The following RBFOX1 variants were observed in gnomAD, a reference collection of about 807,000 sequenced individuals.
RBFOX1 encodes RNA binding fox-1 homolog 1.
RBFOX1 carries 8 observed loss-of-function variants against 57.7 expected under a neutral mutation model. The observed-to-expected ratio is 0.14, with a 90% CI of 0.08 to 0.25. The LOEUF (loss-of-function observed/expected upper bound fraction) is 0.25, where lower values mean the gene tolerates loss of function less well. Among genes scored for constraint, RBFOX1 ranks in the 10% least tolerant of loss-of-function variants. RBFOX1 has a pLI of 1.00. For missense variants in RBFOX1, 611 were observed against 548.5 expected, an observed-to-expected ratio of 1.11 and a Z score of -1.14; for synonymous variants, 326 against 222.4, an observed-to-expected ratio of 1.47 and a Z score of -4.15.
At chr16:6,064,012 G>A (rs1258318363) in intron 1 of RBFOX1, among the ~76,000 whole-genome samples, 1 of 151,956 alleles carries the variant, frequency 6.6e-6, no homozygotes, top group Non-Finnish European at 1.5e-5. Flanking sequence ...ACCCTCTAAT[G>A]TATTATTTTA....
intron 4 of RBFOX1, among the ~76,000 whole-genome samples, chr16:7,330,113 C>A (rs185902097): frequency 4.6e-5 from 7 of 152,166 alleles, no homozygotes; most frequent in African/African-American, 1.4e-4. Context: ...CCTGAAATGC[C>A]ATTATATATA....
chr16:6,973,226 G>T (rs1247844996), intron 3 of RBFOX1, among the ~76,000 whole-genome samples: 3 of 152,040 alleles, frequency 2.0e-5, no homozygotes, highest in East Asian at 3.9e-4. Context: ...GATATCAGGG[G>T]TTCTTCCCCA....
chr16:5,289,720 G>C (rs539455650), intron 1 of RBFOX1, among the ~76,000 whole-genome samples: 50 of 152,222 alleles, frequency 3.3e-4, no homozygotes, highest in Non-Finnish European at 6.0e-4. Context: ...AACGTGAATT[G>C]CTCTGAAAGA....
chr16:6,893,314 C>T (rs117085414), intron 3 of RBFOX1, among the ~76,000 whole-genome samples: 1 of 152,114 alleles, frequency 6.6e-6, no homozygotes, highest in Non-Finnish European at 1.5e-5. Flanking sequence ...AAGAAAGCCC[C>T]TAGAGATCAA....
Position 5,970,918 on chromosome 16 carries a change from A to C in RBFOX1, c.351+103583A>C, listed in dbSNP as rs1234966491. ...TGACTGTTGTCAAGCATGTGTTCTC[A>C]GTGCACCCTAAAGCACATATCCCAA... is the stretch of plus-strand genomic sequence containing the variant. On this transcript the variant is annotated intron_variant, in intron 4 of 19. Transcript: ENST00000641259. Among the ~76,000 whole-genome samples, 6 of 152,190 alleles carry C rather than the reference A, an allele frequency of 3.9e-5. No homozygotes were observed. In the South Asian group the frequency reaches 1.2e-3, roughly 32 times the overall value.
chr16:7,455,081 A>C (rs575468207), intron 4 of RBFOX1, among the ~76,000 whole-genome samples: 1 of 152,216 alleles, frequency 6.6e-6, no homozygotes, highest in African/African-American at 2.4e-5. Context: ...AACGGATTCG[A>C]TAGCAAACCA....
chr16:7,138,592 G>T (rs903363733), intron 4 of RBFOX1, among the ~76,000 whole-genome samples: 4 of 152,070 alleles, frequency 2.6e-5, no homozygotes, highest in Middle Eastern at 3.2e-3. Flanking sequence ...TTCCTTCATG[G>T]CCAGGAAATG....
rs146479525 is a variant in RBFOX1, at chr16:7,269,000, G to A, written c.27+216902G>A. On this transcript the variant is annotated intron_variant, in intron 4 of 15. Coordinates refer to ENST00000550418, the MANE Select transcript of RBFOX1 (RefSeq NM_018723.4). ...TGCAGTGAGCCGAGATCACGCCAGT[G>A]CACTCCAGCTTGGGCGACAGAGTGA... Among the ~76,000 whole-genome samples, 129 of 127,768 alleles carry A rather than the reference G, an allele frequency of 1.0e-3. 2 individuals carry two copies. In the East Asian group the frequency reaches 0.027, roughly 27 times the overall value. 83.8% of individuals were successfully genotyped at this position (127,768 alleles called of 152,430 possible). A position where few individuals can be genotyped will look rare whatever the true frequency, so the allele number is the denominator to read the frequency against.
In RBFOX1 at chr16:6,491,315, C is replaced by G. The variant is rs554965586; in HGVS notation, c.-63-163288C>G. ...ATATCCAGAAGTATATGGAATACTT[C>G]CGCATCTTAAGGTGAGCCTCCTTTT... is the stretch of plus-strand genomic sequence containing the variant. On this transcript the variant is annotated intron_variant, in intron 2 of 15. Transcript: ENST00000550418. 4.6e-5 allele frequency among the ~76,000 whole-genome samples: 7 copies of G among 152,054 alleles called. No homozygotes were observed. In the South Asian group the frequency reaches 1.5e-3, roughly 32 times the overall value.
At chr16:5,454,817 TC>T (rs1197826305) in intron 1 of RBFOX1, among the ~76,000 whole-genome samples, 108 of 146,318 alleles carry the variant, frequency 7.4e-4, no homozygotes, top group Middle Eastern at 3.6e-3. Context: ...CCCTTTCCTT[TC>T]CTTTCTTTCC....
chr16:6,948,631 C>T (rs903311764), intron 3 of RBFOX1, among the ~76,000 whole-genome samples: 1 of 152,004 alleles, frequency 6.6e-6, no homozygotes, highest in Non-Finnish European at 1.5e-5. Flanking sequence ...ATCTGCTCGC[C>T]TTGGCCTCCC....
intron 4 of RBFOX1, among the ~76,000 whole-genome samples, chr16:7,177,345 C>G (rs546461504): frequency 6.6e-6 from 1 of 152,118 alleles, no homozygotes; most frequent in Non-Finnish European, 1.5e-5. Flanking sequence ...ATGCAAGGAA[C>G]AAGTAGAGTT....
intron 3 of RBFOX1, among the ~76,000 whole-genome samples, chr16:6,849,057 G>C (rs916369282): frequency 2.6e-5 from 4 of 152,132 alleles, no homozygotes; most frequent in East Asian, 3.9e-4. Context: ...TGCAGATTTA[G>C]GAAAAAGTAA....
At chr16:6,791,389 T>G (rs2082911116) in intron 3 of RBFOX1, among the ~76,000 whole-genome samples, 1 of 152,184 alleles carries the variant, frequency 6.6e-6, no homozygotes, top group South Asian at 2.1e-4. Flanking sequence ...ACTGGCTGTC[T>G]AATAGGTGCA....
intron 4 of RBFOX1, among the ~76,000 whole-genome samples, chr16:5,956,961 C>T (rs1024207630): frequency 8.6e-5 from 13 of 151,802 alleles, no homozygotes; most frequent in East Asian, 5.8e-4. Flanking sequence ...TGAGCCACTG[C>T]GCCCAGCCTG....
chr16:5,522,854 G>A (rs917362046), intron 2 of RBFOX1, among the ~76,000 whole-genome samples: 3 of 152,166 alleles, frequency 2.0e-5, no homozygotes, highest in Non-Finnish European at 4.4e-5. Context: ...TATCCCAACT[G>A]CTAAAATGAC....
At chr16:7,688,280 A>AGAGG (rs1555779864) in intron 14 of RBFOX1, among the ~76,000 whole-genome samples, 6 of 149,972 alleles carry the variant, frequency 4.0e-5, no homozygotes, top group African/African-American at 1.5e-4. Context: ...AGAGAGAGAG[A>AGAGG]GAGATTCAAT....
At chr16:6,887,297 G>T (rs2064289078) in intron 3 of RBFOX1, among the ~76,000 whole-genome samples, 1 of 152,160 alleles carries the variant, frequency 6.6e-6, no homozygotes, top group African/African-American at 2.4e-5. Context: ...GTGTGGTGGG[G>T]TTATAAAGGG....
chr16:6,215,325 G>C (rs2097329182), intron 1 of RBFOX1, among the ~76,000 whole-genome samples: 1 of 142,282 alleles, frequency 7.0e-6, no homozygotes, highest in South Asian at 2.4e-4. Flanking sequence ...GAGAGACAGA[G>C]AGGGGAGGGG....
Sources: gnomAD v4.1 joint callset for allele counts (sites outside exome capture counted in the v4.1 genomes callset) on GRCh38, gnomAD v4.1.1 for gene constraint, MANE v1.5 for transcripts, NCBI Gene and HGNC (gene_info 2026-07-23, HGNC 2026-07-21) for gene names.